Variants in PTPRH observed in about 807,000 individuals in gnomAD.
The protein encoded by PTPRH is protein tyrosine phosphatase receptor type H.
In PTPRH, 113 loss-of-function variants were observed where a neutral mutation model predicts 130.2. The ratio of observed to expected loss-of-function variants is 0.87; its 90% confidence interval spans 0.75 to 1.01. The LOEUF (loss-of-function observed/expected upper bound fraction) is 1.01. PTPRH is among the 50% of genes least tolerant of loss of function. The pLI is 0.00. For missense variants in PTPRH, 1,430 were observed against 1,425.0 expected, an observed-to-expected ratio of 1.00 and a Z score of -0.06; for synonymous variants, 556 against 577.9, an observed-to-expected ratio of 0.96 and a Z score of 0.54.
chr19:55,187,455 G>C (rs374502882), intron 14 of PTPRH, 58 bp downstream of exon 14: 3 of 1,423,174 alleles, frequency 2.1e-6, no homozygotes, highest in African/African-American at 1.4e-5. Flanking sequence ...AAGGGGACTG[G>C]GGTGGGGTGC....
rs2086710898 is a variant in PTPRH, at chr19:55,197,180, A to G, written c.1927T>C (p.Phe643Leu). 2 of 1,614,126 alleles carry G rather than the reference A, an allele frequency of 1.2e-6. No individual in the cohort carries two copies. Among genetic ancestry groups the G allele is most frequent in the Non-Finnish European group, 1.7e-6 (2 of 1,180,050 alleles). Residue 643 changes from phenylalanine to leucine, a missense_variant, in exon 9 of 20, where the codon TTC becomes CTC. By Grantham distance (22) the Phe-to-Leu change is conservative (BLOSUM62 0). Transcript: ENST00000376350. Reference protein sequence around the residue: ...EALEPGTLYNFTVWAERNDVA... With the variant: ...EALEPGTLYNLTVWAERNDVA... Reference sequence around the variant, plus strand: ...TCATTCCTCTCTGCCCACACGGTGAAATTGTACAACGTCCCGGGTTCCAGG... The same window carrying G: ...TCATTCCTCTCTGCCCACACGGTGAGATTGTACAACGTCCCGGGTTCCAGG...
At chr19:55,191,602 GTCC>G (rs2086538022) in intron 11 of PTPRH, 54 bp from the exon 12 acceptor site, 2 of 1,612,156 alleles carry the variant, frequency 1.2e-6, no homozygotes, top group African/African-American at 1.3e-5. Flanking sequence ...GCAACCAGCG[GTCC>G]TCCTCCTTCT....
At chr19:55,187,344 C>CAAAAAAAA (rs58124409) in intron 14 of PTPRH, among the ~76,000 whole-genome samples, 169 bp downstream of exon 14, 3 of 44,788 alleles carry the variant, frequency 6.7e-5, no homozygotes, top group Non-Finnish European at 1.3e-4. Flanking sequence ...GACTCCGTCT[C>CAAAAAAAA]AAAAAAAAAA....
Position 55,200,553 on chromosome 19 carries a change from G to A in PTPRH, c.1154-51C>T, listed in dbSNP as rs565895363. ...TGTTGTCGGAGATACAGAACAGAAC[G>A]GGGCAGGAGTGGGCCCCTCACTGCC... On this transcript the variant is annotated intron_variant, in intron 6 of 19. Coordinates refer to ENST00000376350, the MANE Select transcript of PTPRH (RefSeq NM_002842.5). 456 of 1,579,664 alleles carry A rather than the reference G, an allele frequency of 2.9e-4. 1 individual carries two copies. In the South Asian group the frequency reaches 4.8e-3, roughly 17 times the overall value.
chr19:55,198,015 C>G (rs2086739892), intron 8 of PTPRH, among the ~76,000 whole-genome samples: 1 of 152,136 alleles, frequency 6.6e-6, no homozygotes, highest in Non-Finnish European at 1.5e-5. Context: ...GAATTCGACA[C>G]CAGCTTGGGC....
chr19:55,207,235 C>G, intron 1 of PTPRH, 36 bp from the exon 2 acceptor site: 1 of 1,608,262 alleles, frequency 6.2e-7, no homozygotes, highest in Non-Finnish European at 8.5e-7. Context: ...GTCAGCCTCT[C>G]AACCACTCCT....
intron 6 of PTPRH, among the ~76,000 whole-genome samples, chr19:55,200,869 G>A (rs941112247): frequency 6.6e-6 from 1 of 152,082 alleles, no homozygotes; most frequent in Non-Finnish European, 1.5e-5. Flanking sequence ...CGTGAACCCG[G>A]GAGGCGGAGC....
At chr19:55,195,820 C>T (rs1181635832) in intron 10 of PTPRH, among the ~76,000 whole-genome samples, 1 of 152,140 alleles carries the variant, frequency 6.6e-6, no homozygotes, top group Admixed American at 6.5e-5. Flanking sequence ...ATCCTTCCAC[C>T]TCAGCCTCCC....
At position 55,185,799 on chromosome 19, in the gene PTPRH, C is replaced by A. The variant is rs1214062322; in HGVS notation, c.2901+63G>T. On this transcript the variant is annotated intron_variant, in intron 17 of 19. Transcript: ENST00000376350. ...GGAAGGTTGGAGTTGGTGGAGGGTCCTGGATGCATGGCATATGTCACAGGG... is the reference window on the plus strand; with the variant it reads ...GGAAGGTTGGAGTTGGTGGAGGGTCATGGATGCATGGCATATGTCACAGGG... 7 of 1,611,880 alleles carry A rather than the reference C, an allele frequency of 4.3e-6. No individual in the cohort carries two copies. In the Admixed American group the frequency reaches 1.2e-4, roughly 27 times the overall value.
Position 55,185,609 on chromosome 19 carries a change from C to T in PTPRH, c.2955G>A (p.Pro985=), listed in dbSNP as rs368351412. The T allele has an allele frequency of 2.5e-5, 41 of 1,614,212 alleles. No homozygotes were observed. Among genetic ancestry groups the T allele is most frequent in the African/African-American group, 1.7e-4 (13 of 75,058 alleles). ...CTGGGGAGGAGGGAACGCCGTGATC[C>T]GGCCAGGCCTGGTAGTGGAATTGGC... is the stretch of plus-strand genomic sequence containing the variant. The part of the protein sequence containing the change: ...SVRQFHYQAW[P]DHGVPSSPDT... Residue 985 remains proline (P), a synonymous_variant, in exon 18 of 20, where the codon CCG becomes CCA. Transcript: ENST00000376350.
At position 55,206,816 on chromosome 19, in the gene PTPRH, C is replaced by A. The variant is rs753888871; in HGVS notation, c.225G>T (p.Glu75Asp). The A allele has an allele frequency of 6.2e-7, 1 of 1,614,052 alleles. No individual in the cohort carries two copies. Among genetic ancestry groups the A allele is most frequent in the African/African-American group, 1.3e-5 (1 of 74,916 alleles). Residue 75 changes from glutamate to aspartate, a missense_variant, in exon 3 of 20, where the codon GAG becomes GAT. Glu to Asp is a conservative substitution (Grantham distance 45). Coordinates refer to ENST00000376350, the MANE Select transcript of PTPRH (RefSeq NM_002842.5). ...VQCTGDGGTT[E>D]TRNTTATNVT... ...CGTTGGTGGCTGTTGTGTTTCGAGT[C>A]TCTGTTGTGCCGCCGTCTCCAGTAC...
At chr19:55,190,399 TC>T (rs1396038948) in intron 12 of PTPRH, among the ~76,000 whole-genome samples, 1 of 148,068 alleles carries the variant, frequency 6.8e-6, no homozygotes, top group African/African-American at 2.5e-5. Flanking sequence ...ATCACAATAT[TC>T]CTCTACCCTT....
intron 10 of PTPRH, chr19:55,194,143 C>T (rs1382303893): frequency 1.6e-6 from 2 of 1,287,948 alleles, no homozygotes; most frequent in Non-Finnish European, 2.0e-6. Flanking sequence ...AGCCACCGCG[C>T]CTGGCTGATC....
rs1332255479 is a variant in PTPRH at position 55,181,673 on chromosome 19, TC to T, written c.*80del. ...ACCCAGGAGTCTGGGAGCCCAGCCC[TC>T]TGCTCTTCCAGGAATCTGGGCTCAA... On this transcript the variant is annotated 3_prime_UTR_variant, in exon 20 of 20. Coordinates refer to ENST00000376350, the MANE Select transcript of PTPRH (RefSeq NM_002842.5). 1 of 1,571,896 alleles carries T rather than the reference TC, an allele frequency of 6.4e-7. No individual in the cohort carries two copies. The highest frequency in any genetic ancestry group is 2.2e-5 in the East Asian group (1 of 44,572).
At chr19:55,207,274 G>T in intron 1 of PTPRH, 75 bp from the exon 2 acceptor site, 1 of 1,522,818 alleles carries the variant, frequency 6.6e-7, no homozygotes, top group African/African-American at 1.4e-5. Context: ...GGGCTGGGAG[G>T]AGCGGCTGGT....
rs995014346 is a variant in PTPRH at position 55,187,558 on chromosome 19, C to T, written c.2521G>A (p.Ala841Thr). 1 of 1,613,070 alleles carries T rather than the reference C, an allele frequency of 6.2e-7. No homozygotes were observed. The highest frequency in any genetic ancestry group is 8.5e-7 in the Non-Finnish European group (1 of 1,179,590). ...CGGTTCTTGGCGTTGTTCTCTGAAG[C>T]CGAAGCCACCATCTGAGACTGGCTG... ...GHSQSQMVAS[A>T]SENNAKNRYR... The change falls in exon 14 of 20, where the codon GCT becomes ACT. Residue 841 changes from alanine (A) to threonine (T), a missense_variant. Ala to Thr is a moderately conservative substitution (Grantham distance 58). Coordinates refer to ENST00000376350, the MANE Select transcript of PTPRH (RefSeq NM_002842.5).
chr19:55,196,910 C>T, intron 9 of PTPRH, 122 bp from the exon 10 acceptor site: 1 of 1,305,452 alleles, frequency 7.7e-7, no homozygotes, highest in African/African-American at 1.5e-5. Context: ...ACTACCTCAT[C>T]TTCCCTCCTT....
rs771072467 is a variant in PTPRH, at chr19:55,197,224, G to A, written c.1883C>T (p.Thr628Met). 102 of 1,614,118 alleles carry A rather than the reference G, an allele frequency of 6.3e-5. No individual in the cohort carries two copies. Among genetic ancestry groups the A allele is most frequent in the Admixed American group, 4.5e-4 (27 of 60,004 alleles). ...TTCCAGGGCCTCCACTTTGTACCAC[G>A]TCTCATTGGTCCTGCTGGTCTGGTT... ...WVNQTSRTNE[T>M]WYKVEALEPG... Residue 628 changes from threonine (T) to methionine (M), a missense_variant, in exon 9 of 20, where the codon ACG (threonine) becomes ATG (methionine). Transcript: ENST00000376350.
chr19:55,188,101 A>C lies in PTPRH; in HGVS notation c.2452T>G (p.Cys818Gly), dbSNP rs771216067. The change falls in exon 13 of 20, where the codon TGT becomes GGT. Residue 818 changes from cysteine (C) to glycine (G), a missense_variant. By Grantham distance (159) the Cys-to-Gly change is radical. Transcript: ENST00000376350. ...HVRKNERDSN[C>G]GFADEYQQLS... ...ACCTGGTACTCGTCTGCAAAACCAC[A>C]GTTGCTGTCCCTCTCATTCTTCCTG... is the stretch of plus-strand genomic sequence containing the variant. 1.4e-5 allele frequency: 22 copies of C among 1,613,890 alleles called. 1 individual carries two copies. The South Asian group carries it at 2.4e-4, about 18-fold the overall frequency.
Sources: allele counts gnomAD v4.1 joint callset (sites outside exome capture counted in the v4.1 genomes callset), GRCh38; gene constraint gnomAD v4.1.1; transcripts MANE v1.5; gene names NCBI Gene and HGNC (gene_info 2026-07-23, HGNC 2026-07-21).